Variants in RPS6KC1 observed in about 807,000 individuals in gnomAD.
RPS6KC1 encodes the protein inactive ribosomal protein S6 kinase delta-1.
Under a neutral mutation model 103.8 loss-of-function variants are expected in RPS6KC1, and 54 were observed. The ratio of observed to expected loss-of-function variants is 0.52; its 90% CI spans 0.42 to 0.65. The LOEUF (loss-of-function observed/expected upper bound fraction) is 0.65, where lower values mean the gene tolerates loss of function less well. Among genes scored for constraint, RPS6KC1 ranks in the 30% least tolerant of loss-of-function variants. The probability of loss-of-function intolerance (pLI) is 0.00; values close to 1 mark genes in which losing one functional copy is unlikely to be tolerated. For missense variants in RPS6KC1, 1,151 were observed against 1,253.8 expected (o/e 0.92, Z 1.24); for synonymous variants, 439 against 438.7 (o/e 1.00, Z -0.01).
the RPS6KC1 span, among the ~76,000 whole-genome samples, chr1:213,791,138 T>C: frequency 2.0e-5 from 3 of 151,718 alleles, no homozygotes; most frequent in Non-Finnish European, 4.4e-5. Context: ...TTGTCTTTCA[T>C]AGAAGCATGA....
the RPS6KC1 span, among the ~76,000 whole-genome samples, chr1:213,313,970 A>C: frequency 6.6e-6 from 1 of 152,060 alleles, no homozygotes; most frequent in South Asian, 2.1e-4. Context: ...AAAAAAAAGA[A>C]TAACAGAAAC....
At chr1:213,090,206 G>A (rs1264635039) in intron 3 of RPS6KC1, among the ~76,000 whole-genome samples, 1 of 152,228 alleles carries the variant, frequency 6.6e-6, no homozygotes, top group East Asian at 1.9e-4. Context: ...GAAGTCATCA[G>A]TCTGAGGAGT....
chr1:213,642,575 T>A, the RPS6KC1 span, among the ~76,000 whole-genome samples: 1 of 152,108 alleles, frequency 6.6e-6, no homozygotes, highest in Non-Finnish European at 1.5e-5. Flanking sequence ...AGGTTTTTAA[T>A]CCTGAATATC....
the RPS6KC1 span, among the ~76,000 whole-genome samples, chr1:213,519,980 C>T: frequency 6.6e-6 from 1 of 152,148 alleles, no homozygotes; most frequent in African/African-American, 2.4e-5. Flanking sequence ...TTTGAGAGAT[C>T]ACACAGCTTC....
the RPS6KC1 span, among the ~76,000 whole-genome samples, chr1:213,655,612 A>G: frequency 6.6e-6 from 1 of 152,234 alleles, no homozygotes; most frequent in African/African-American, 2.4e-5. Context: ...ATTCAAAATT[A>G]GGTCATCTCA....
the RPS6KC1 span, among the ~76,000 whole-genome samples, chr1:213,394,354 G>A: frequency 6.6e-6 from 1 of 152,158 alleles, no homozygotes; most frequent in Non-Finnish European, 1.5e-5. Context: ...GCCATGGCGA[G>A]GGAGTATTTA....
the RPS6KC1 span, among the ~76,000 whole-genome samples, chr1:213,600,658 A>G: frequency 6.6e-6 from 1 of 152,166 alleles, no homozygotes; most frequent in African/African-American, 2.4e-5. Context: ...CCTTAAGATT[A>G]CTGGGAATCA....
At chr1:213,179,260 C>G (rs1306838954) in intron 8 of RPS6KC1, among the ~76,000 whole-genome samples, 3 of 151,648 alleles carry the variant, frequency 2.0e-5, no homozygotes, top group Non-Finnish European at 4.4e-5. Flanking sequence ...ACTAGAAATA[C>G]AGAAATTAGC....
At chr1:213,313,071 G>T in the RPS6KC1 span, among the ~76,000 whole-genome samples, 1 of 152,066 alleles carries the variant, frequency 6.6e-6, no homozygotes, top group Non-Finnish European at 1.5e-5. Flanking sequence ...TGGTTATGTC[G>T]CTGGCTTGAT....
the RPS6KC1 span, among the ~76,000 whole-genome samples, chr1:213,374,943 C>G: frequency 6.6e-5 from 10 of 152,106 alleles, no homozygotes; most frequent in Middle Eastern, 3.2e-3. Flanking sequence ...GTTTCTACGT[C>G]TCATATATTT....
Position 213,274,294 on chromosome 1 carries a change from A to G in RPS6KC1, c.*1660A>G, listed in dbSNP as rs2095099784. Reference sequence around the variant, plus strand: ...ACACAAGAATGACTTCCTGTGTAGGACTAGTAGGAAATCTGCAAGTACTTA... The same window carrying G: ...ACACAAGAATGACTTCCTGTGTAGGGCTAGTAGGAAATCTGCAAGTACTTA... On this transcript the variant is annotated 3_prime_UTR_variant, in exon 15 of 15. Transcript: ENST00000366960. 1 of 152,188 alleles carries G rather than the reference A, an allele frequency of 6.6e-6. No homozygotes were observed. Among genetic ancestry groups the G allele is most frequent in the Non-Finnish European group, 1.5e-5 (1 of 68,032 alleles). The allele number at this position is 152,188 out of a possible 1,614,324, so 9.4% of individuals were successfully genotyped here. A position where few individuals can be genotyped will look rare whatever the true frequency, so the allele number is the denominator to read the frequency against.
At chr1:213,457,321 C>T in the RPS6KC1 span, among the ~76,000 whole-genome samples, 1 of 152,224 alleles carries the variant, frequency 6.6e-6, no homozygotes, top group East Asian at 1.9e-4. Context: ...TGACCGTGCT[C>T]TCTGGGGATT....
the RPS6KC1 span, among the ~76,000 whole-genome samples, chr1:213,666,623 T>TG: frequency 6.6e-6 from 1 of 152,252 alleles, no homozygotes; most frequent in South Asian, 2.1e-4. Context: ...CAAGTTACAA[T>TG]GTACTTGGAG....
chr1:213,236,623 T>G lies in RPS6KC1; in HGVS notation c.1226-4079T>G, dbSNP rs554778348. On this transcript the variant is annotated intron_variant, in intron 10 of 14. Transcript: ENST00000366960. The stretch of plus-strand genomic sequence containing the variant: ...TGTATTCAGTCAAGGCCATGAGAGT[T>G]TAAGTTTCTAAGATTAGGGATTATA... Among the ~76,000 whole-genome samples the G allele has an allele frequency of 2.0e-5, 3 of 152,208 alleles. No homozygotes were observed. In the East Asian group the frequency reaches 5.8e-4, roughly 29 times the overall value.
At chr1:213,287,599 A>G in the RPS6KC1 span, among the ~76,000 whole-genome samples, 3 of 152,122 alleles carry the variant, frequency 2.0e-5, no homozygotes, top group African/African-American at 7.2e-5. Context: ...TGTTTTTTGC[A>G]AGCACCGTTT....
intron 6 of RPS6KC1, among the ~76,000 whole-genome samples, chr1:213,164,980 C>G (rs1212800696): frequency 6.6e-6 from 1 of 152,092 alleles, no homozygotes; most frequent in Non-Finnish European, 1.5e-5. Flanking sequence ...AGAAATCAAG[C>G]AGGTTAGAGT....
the RPS6KC1 span, among the ~76,000 whole-genome samples, chr1:213,455,090 T>A: frequency 6.6e-6 from 1 of 152,088 alleles, no homozygotes; most frequent in Non-Finnish European, 1.5e-5. Context: ...CAAATTTGAT[T>A]CCTCCCAGAA....
At chr1:213,348,851 A>T in the RPS6KC1 span, among the ~76,000 whole-genome samples, 1 of 150,794 alleles carries the variant, frequency 6.6e-6, no homozygotes, top group Admixed American at 6.6e-5. Flanking sequence ...GGTTTCAATG[A>T]AATAATCTTT....
chr1:213,703,191 C>T, the RPS6KC1 span, among the ~76,000 whole-genome samples: 1 of 152,180 alleles, frequency 6.6e-6, no homozygotes, highest in Non-Finnish European at 1.5e-5. Context: ...ACACTGTTTG[C>T]ATAAACAAAT....
Sources: allele counts gnomAD v4.1 joint callset (sites outside exome capture counted in the v4.1 genomes callset), GRCh38; gene constraint gnomAD v4.1.1; transcripts MANE v1.5; gene names NCBI Gene and HGNC (gene_info 2026-07-23, HGNC 2026-07-21).